Variants in SIN3B observed in about 807,000 individuals in gnomAD.
SIN3B encodes the protein SIN3 transcription regulator family member B, also known as paired amphipathic helix protein Sin3b.
Under a neutral mutation model 120.2 loss-of-function variants are expected in SIN3B, and 19 were observed. That is an observed-to-expected ratio of 0.16 (90% CI 0.11 to 0.23). SIN3B has a LOEUF of 0.23. Ranked by LOEUF, SIN3B falls within the 10% of genes least tolerant of loss-of-function variation. The probability of loss-of-function intolerance (pLI) is 1.00; values close to 1 mark genes in which losing one functional copy is unlikely to be tolerated. For synonymous variants in SIN3B, 654 were observed against 653.2 expected, an observed-to-expected ratio of 1.00 and a Z score of -0.02; for missense variants, 1,073 against 1,573.0, an observed-to-expected ratio of 0.68 and a Z score of 5.38.
intron 8 of SIN3B, among the ~76,000 whole-genome samples, chr19:16,859,442 G>A (rs1306949852): frequency 6.6e-6 from 1 of 152,112 alleles, no homozygotes; most frequent in East Asian, 1.9e-4. Flanking sequence ...CTCTAACAAT[G>A]GACATTTGTC....
At chr19:16,847,394 C>A (rs1014348295) in intron 5 of SIN3B, among the ~76,000 whole-genome samples, 8 of 152,232 alleles carry the variant, frequency 5.3e-5, no homozygotes, top group African/African-American at 1.9e-4. Context: ...AGACTATGGG[C>A]CCAGGGGTTC....
At chr19:16,854,354 T>C (rs1971584992) in intron 8 of SIN3B, 93 bp downstream of exon 8, 1 of 745,054 alleles carries the variant, frequency 1.3e-6, no homozygotes, top group African/African-American at 1.8e-5. Flanking sequence ...GAGCAATGAT[T>C]GTGCTTTTCT....
intron 5 of SIN3B, among the ~76,000 whole-genome samples, chr19:16,849,178 G>A (rs948867258): frequency 1.3e-5 from 2 of 152,144 alleles, no homozygotes; most frequent in African/African-American, 2.4e-5. Flanking sequence ...AAAACTGTAG[G>A]AAAAAGAAAC....
chr19:16,860,805 C>T (rs557837340), intron 8 of SIN3B, among the ~76,000 whole-genome samples: 2 of 151,922 alleles, frequency 1.3e-5, no homozygotes, highest in South Asian at 4.2e-4. Flanking sequence ...CGGGGTTTCA[C>T]CGTGGTCTCG....
intron 4 of SIN3B, among the ~76,000 whole-genome samples, chr19:16,844,656 G>A (rs1374863127): frequency 3.3e-5 from 5 of 152,208 alleles, no homozygotes; most frequent in African/African-American, 9.7e-5. Flanking sequence ...CAGACTCAGG[G>A]TATGACATTC....
chr19:16,842,864 G>A (rs533241980), intron 4 of SIN3B, among the ~76,000 whole-genome samples: 1 of 152,326 alleles, frequency 6.6e-6, no homozygotes, highest in Non-Finnish European at 1.5e-5. Flanking sequence ...ATATCAGTCG[G>A]AACCAGTAGG....
At position 16,876,856 on chromosome 19, in the gene SIN3B, C is replaced by A; in HGVS notation, c.2859+278C>A. On this transcript the variant is annotated intron_variant, in intron 16 of 18. Coordinates refer to ENST00000248054, the MANE Select transcript of SIN3B (RefSeq NM_001297595.2). The surrounding 1 kb of genome is among the most constrained non-coding windows in gnomAD (Gnocchi z 7.1). Reference sequence around the variant, plus strand: ...GGAACCAAGCCACCTCTCCCTGGCCCCCGACTCCCACTCAGGGCATCCCGT... The same window carrying A: ...GGAACCAAGCCACCTCTCCCTGGCCACCGACTCCCACTCAGGGCATCCCGT... 7.6e-6 allele frequency: 3 copies of A among 395,738 alleles called. No homozygotes were observed. Among genetic ancestry groups the A allele is most frequent in the Non-Finnish European group, 1.4e-5 (3 of 217,550 alleles). The allele number at this position is 395,738 out of a possible 1,614,324, so 24.5% of individuals were successfully genotyped here.
rs188647047 is a variant in SIN3B, at chr19:16,880,045, C to T, written c.*1318C>T. 1.2e-3 allele frequency: 186 copies of T among 152,464 alleles called. No homozygotes were observed. The highest frequency in any genetic ancestry group is 2.2e-3 in the Non-Finnish European group (152 of 68,132). The allele number at this position is 152,464 out of a possible 1,614,324, so 9.4% of individuals were successfully genotyped here. A position where few individuals can be genotyped will look rare whatever the true frequency, so the allele number is the denominator to read the frequency against. Reference sequence around the variant, plus strand: ...CCCGTCCTCCTGGGCTCCCCACCCCCGCTCCCCAAGTGTCACACAGGCACT... The same window carrying T: ...CCCGTCCTCCTGGGCTCCCCACCCCTGCTCCCCAAGTGTCACACAGGCACT... On this transcript the variant is annotated 3_prime_UTR_variant, in exon 19 of 19. Transcript: ENST00000248054.
At position 16,878,370 on chromosome 19, in the gene SIN3B, A is replaced by C. The variant is rs745396422; in HGVS notation, c.3142A>C (p.Thr1048Pro). The C allele has an allele frequency of 6.2e-7, 1 of 1,611,634 alleles. No individual in the cohort carries two copies. The highest frequency in any genetic ancestry group is 8.5e-7 in the Non-Finnish European group (1 of 1,179,434). The change falls in exon 18 of 19, where the codon ACC (threonine) becomes CCC (proline). Residue 1048 changes from threonine (T) to proline (P), a missense_variant. Thr to Pro is a conservative substitution (Grantham distance 38). Transcript: ENST00000248054. Reference protein sequence around the residue: ...NSEDYMYRRGTLCRAKQVQPL... With the variant: ...NSEDYMYRRGPLCRAKQVQPL... The stretch of plus-strand genomic sequence containing the variant: ...CGAGGACTACATGTACCGTCGCGGG[A>C]CCCTCTGCCGGGCCAAGCAGGTGCC...
rs201702460 is a variant in SIN3B, at chr19:16,871,225, G to A, written c.2423-4G>A. On this transcript the variant is annotated splice_polypyrimidine_tract_variant and splice_region_variant and intron_variant, in intron 13 of 18. Transcript: ENST00000248054. The stretch of plus-strand genomic sequence containing the variant: ...CATATGGATGAGGCGGTGTGTCTCC[G>A]CAGGTGAAGTGGAGCTGGAGGAGTA... 68 of 1,614,104 alleles carry A rather than the reference G, an allele frequency of 4.2e-5. No individual in the cohort carries two copies. The East Asian group carries it at 8.7e-4, about 21-fold the overall frequency.
intron 5 of SIN3B, among the ~76,000 whole-genome samples, chr19:16,850,161 T>TTAG (rs947013487): frequency 2.0e-5 from 3 of 151,996 alleles, no homozygotes; most frequent in South Asian, 4.2e-4. Flanking sequence ...TAAGTCTTTT[T>TTAG]TAGTAGTAGT....
intron 4 of SIN3B, among the ~76,000 whole-genome samples, chr19:16,842,361 C>A (rs1334687026): frequency 6.6e-6 from 1 of 151,464 alleles, no homozygotes; most frequent in Admixed American, 6.6e-5. Context: ...CCTCAGCCTC[C>A]CAAAGTGCTG....
chr19:16,831,794 A>G (rs1344891524), intron 3 of SIN3B, 147 bp downstream of exon 3: 10 of 657,436 alleles, frequency 1.5e-5, no homozygotes, highest in Non-Finnish European at 2.6e-5. Context: ...CTTCTAGCAC[A>G]AATCAAAATA....
chr19:16,878,189 C>G lies in SIN3B; in HGVS notation c.2961C>G (p.Leu987=), dbSNP rs1465248896. The change falls in exon 18 of 19, where the codon CTC becomes CTG. Residue 987 remains leucine, a synonymous_variant. Transcript: ENST00000248054. ...LLKPVFLQRN[L]KKFRRRWQSE... ...CACCTCCTTTCGCCCCCAGGAACCTCAAGAAGTTCCGCCGCCGGTGGCAGA... is the reference window on the plus strand; with the variant it reads ...CACCTCCTTTCGCCCCCAGGAACCTGAAGAAGTTCCGCCGCCGGTGGCAGA... 6 of 1,571,658 alleles carry G rather than the reference C, an allele frequency of 3.8e-6. No homozygotes were observed. Among genetic ancestry groups the G allele is most frequent in the Middle Eastern group, 3.3e-4 (2 of 5,998 alleles).
At chr19:16,852,230 C>T (rs1205425960) in intron 6 of SIN3B, among the ~76,000 whole-genome samples, 1 of 152,134 alleles carries the variant, frequency 6.6e-6, no homozygotes, top group East Asian at 1.9e-4. Context: ...GGGTTCACGC[C>T]ATTGTCCTGC....
At chr19:16,860,807 G>A (rs1020981495) in intron 8 of SIN3B, among the ~76,000 whole-genome samples, 2 of 151,154 alleles carry the variant, frequency 1.3e-5, no homozygotes, top group Non-Finnish European at 3.0e-5. Context: ...GGGTTTCACC[G>A]TGGTCTCGAT....
At chr19:16,830,987 C>T (rs1232880221) in intron 2 of SIN3B, among the ~76,000 whole-genome samples, 2 of 151,902 alleles carry the variant, frequency 1.3e-5, no homozygotes, top group Admixed American at 6.6e-5. Context: ...CTGGTTCTCA[C>T]CAGGAGGGAA....
At position 16,851,427 on chromosome 19, in the gene SIN3B, C is replaced by T. The variant is rs747529358; in HGVS notation, c.742C>T (p.Pro248Ser). ...AKRSLFTGNG[P>S]CEMHSVQKNE... ...GTGTCCTTAGTTCACAGGAAACGGG[C>T]CGTGCGAGATGCACAGCGTGCAGAA... The change falls in exon 6 of 19, where the codon CCG becomes TCG. Residue 248 changes from proline (P) to serine (S), a missense_variant. By Grantham distance (74) the Pro-to-Ser change is moderately conservative. Around this residue, in one of 7 missense-constraint regions of SIN3B, gnomAD observed 395 missense variants for 528.0 expected, o/e 0.75. Transcript: ENST00000248054. The T allele has an allele frequency of 3.7e-6, 6 of 1,603,502 alleles. No individual in the cohort carries two copies. The East Asian group carries it at 1.4e-4, about 36-fold the overall frequency.
chr19:16,875,513 G>A (rs1288440503), intron 14 of SIN3B, among the ~76,000 whole-genome samples: 1 of 140,758 alleles, frequency 7.1e-6, no homozygotes, highest in Non-Finnish European at 1.5e-5. Flanking sequence ...GTCTGGTCTG[G>A]TCTGTTTGGT....
Sources: gnomAD v4.1 joint callset for allele counts (sites outside exome capture counted in the v4.1 genomes callset) on GRCh38, gnomAD v4.1.1 for gene constraint, gnomAD v4.1.1 regional missense constraint, Gnocchi (gnomAD v3.1) non-coding constraint, MANE v1.5 for transcripts, NCBI Gene and HGNC (gene_info 2026-07-23, HGNC 2026-07-21) for gene names.